The following SLC30A1 variants were observed in gnomAD, a reference collection of about 807,000 sequenced individuals.
SLC30A1 encodes proton-coupled zinc antiporter SLC30A1.
SLC30A1 carries 7 observed loss-of-function variants against 29.8 expected under a neutral mutation model. The observed-to-expected ratio is 0.23, with a 90% CI of 0.13 to 0.44. SLC30A1 has a LOEUF of 0.44. Among genes scored for constraint, SLC30A1 ranks in the 20% least tolerant of loss-of-function variants. SLC30A1 has a pLI of 1.00. For synonymous variants in SLC30A1, 254 were observed against 253.5 expected (o/e 1.00, Z -0.02); for missense variants, 446 against 647.9 (o/e 0.69, Z 3.38).
Position 211,573,296 on chromosome 1 carries a change from A to T in SLC30A1, c.*2092T>A, listed in dbSNP as rs1706673881. The T allele has an allele frequency of 6.6e-6, 1 of 152,074 alleles. No homozygotes were observed. The highest frequency in any genetic ancestry group is 1.5e-5 in the Non-Finnish European group (1 of 67,912). The allele number at this position is 152,074 out of a possible 1,614,324, so 9.4% of individuals were successfully genotyped here. ...GAAAAGTGAAATAACTCAAACCTAA[A>T]GGCTGTTATCTTCAAAGCACTTTTG... On this transcript the variant is annotated 3_prime_UTR_variant, in exon 2 of 2. Transcript: ENST00000367001.
At position 211,578,223 on chromosome 1, in the gene SLC30A1, C is replaced by A. The variant is rs1281628871; in HGVS notation, c.390G>T (p.Gly130=). The change falls in exon 1 of 2, where the codon GGG becomes GGT. Residue 130 remains glycine (G), a synonymous_variant. Coordinates refer to ENST00000367001, the MANE Select transcript of SLC30A1 (RefSeq NM_021194.3). ...CGCTGTGATGGTGGAAGAGGCAGAG[C>A]CCCAGCACGTTGACCAGCAGCCCGG... ...GVAGLLVNVL[G]LCLFHHHSGF... is the part of the protein sequence containing the mutation. 1 of 1,611,390 alleles carries A rather than the reference C, an allele frequency of 6.2e-7. No homozygotes were observed. Among genetic ancestry groups the A allele is most frequent in the Admixed American group, 1.7e-5 (1 of 59,738 alleles).
In SLC30A1 at chr1:211,575,310, G is replaced by A. The variant is rs1706705456; in HGVS notation, c.*78C>T. ...ACAAGGACTTCAATTACACTACTTG[G>A]CAAACTTAGAATTTCAGTGGAGTCT... is the stretch of plus-strand genomic sequence containing the variant. On this transcript the variant is annotated 3_prime_UTR_variant, in exon 2 of 2. Transcript: ENST00000367001. The surrounding 1 kb of genome is among the most constrained non-coding windows in gnomAD (Gnocchi z 6.0). 2 of 1,283,400 alleles carry A rather than the reference G, an allele frequency of 1.6e-6. No homozygotes were observed. Among genetic ancestry groups the A allele is most frequent in the Admixed American group, 2.3e-5 (1 of 43,374 alleles). The allele number at this position is 1,283,400 out of a possible 1,614,324, so 79.5% of individuals were successfully genotyped here.
Position 211,578,442 on chromosome 1 carries a change from G to C in SLC30A1, c.171C>G (p.Ala57=), listed in dbSNP as rs1706749713. 6.2e-7 allele frequency: 1 copy of C among 1,612,162 alleles called. No homozygotes were observed. Among genetic ancestry groups the C allele is most frequent in the Non-Finnish European group, 8.5e-7 (1 of 1,179,474 alleles). Residue 57 remains alanine, a synonymous_variant, in exon 1 of 2, where the codon GCC becomes GCG. Transcript: ENST00000367001. ...CGTGGGTCCGCCGGGCGAAGCGCTC[G>C]GCCACCAGCGCCACCACCAGCGCCA... ...DVLALVVALV[A]ERFARRTHAT...
In SLC30A1 at chr1:211,573,387, G is replaced by C. The variant is rs1706676438; in HGVS notation, c.*2001C>G. The C allele has an allele frequency of 6.6e-6, 1 of 151,976 alleles. No homozygotes were observed. The highest frequency in any genetic ancestry group is 2.4e-5 in the African/African-American group (1 of 41,404). 9.4% of individuals were successfully genotyped at this position (151,976 alleles called of 1,614,324 possible). ...CATTTTTTAAAATCCTCATTCAGTT[G>C]ATGTCTTGTACTTAGGTGTCATGCC... On this transcript the variant is annotated 3_prime_UTR_variant, in exon 2 of 2. Coordinates refer to ENST00000367001, the MANE Select transcript of SLC30A1 (RefSeq NM_021194.3).
rs924846149 is a variant in SLC30A1 at position 211,577,431 on chromosome 1, A to C, written c.622+560T>G. 6.6e-6 allele frequency among the ~76,000 whole-genome samples: 1 copy of C among 152,238 alleles called. No individual in the cohort carries two copies. Among genetic ancestry groups the C allele is most frequent in the Non-Finnish European group, 1.5e-5 (1 of 68,032 alleles). ...GGATTAGGGATCAATTAGCTGAAGC[A>C]TACACTGCTGTTCATAAAAGAAACC... On this transcript the variant is annotated intron_variant, in intron 1 of 1. Transcript: ENST00000367001. This position sits in a 1 kb window ranked among gnomAD's most constrained non-coding sequence, Gnocchi z 4.5.
At position 211,575,817 on chromosome 1, in the gene SLC30A1, T is replaced by G; in HGVS notation, c.1095A>C (p.Gly365=). The part of the protein sequence containing the change: ...NLIKELRNVE[G]VEEVHELHVW... Reference sequence around the variant, plus strand: ...CATGTAATTCATGAACTTCCTCAACTCCTTCAACATTTCGAAGTTCTTTTA... The same window carrying G: ...CATGTAATTCATGAACTTCCTCAACGCCTTCAACATTTCGAAGTTCTTTTA... Residue 365 remains glycine (G), a synonymous_variant, in exon 2 of 2, where the codon GGA becomes GGC. Transcript: ENST00000367001. The surrounding 1 kb of genome is among the most constrained non-coding windows in gnomAD (Gnocchi z 6.0). The G allele has an allele frequency of 6.2e-7, 1 of 1,614,108 alleles. No homozygotes were observed. The highest frequency in any genetic ancestry group is 8.5e-7 in the Non-Finnish European group (1 of 1,179,972).
At position 211,572,632 on chromosome 1, in the gene SLC30A1, T is replaced by C. The variant is rs1706667118; in HGVS notation, c.*2756A>G. ...ACCTTAGTTATTCAACATACTGTTC[T>C]CTAAAATGTTAAAACACATACAGCA... On this transcript the variant is annotated 3_prime_UTR_variant, in exon 2 of 2. Coordinates refer to ENST00000367001, the MANE Select transcript of SLC30A1 (RefSeq NM_021194.3). The C allele has an allele frequency of 6.6e-6, 1 of 152,144 alleles. No individual in the cohort carries two copies. The highest frequency in any genetic ancestry group is 1.5e-5 in the Non-Finnish European group (1 of 67,944). 9.4% of individuals were successfully genotyped at this position (152,144 alleles called of 1,614,324 possible).
At position 211,578,705 on chromosome 1, in the gene SLC30A1, G is replaced by A. The variant is rs1706753148; in HGVS notation, c.-93C>T. 4 of 1,306,818 alleles carry A rather than the reference G, an allele frequency of 3.1e-6. No individual in the cohort carries two copies. The highest frequency in any genetic ancestry group is 3.0e-6 in the Non-Finnish European group (3 of 1,007,382). 81.0% of individuals were successfully genotyped at this position (1,306,818 alleles called of 1,614,324 possible). ...GGAGGGTCGGCGACCGCGACACGGA[G>A]GAGCGCCCGAGTCGGGCCGTTCGGG... On this transcript the variant is annotated 5_prime_UTR_variant, in exon 1 of 2. Coordinates refer to ENST00000367001, the MANE Select transcript of SLC30A1 (RefSeq NM_021194.3).
In SLC30A1 at chr1:211,578,749, C is replaced by T; in HGVS notation, c.-137G>A. 1.3e-6 allele frequency: 1 copy of T among 796,266 alleles called. No individual in the cohort carries two copies. Among genetic ancestry groups the T allele is most frequent in the Non-Finnish European group, 1.8e-6 (1 of 569,352 alleles). The allele number at this position is 796,266 out of a possible 1,614,324, so 49.3% of individuals were successfully genotyped here. A position where few individuals can be genotyped will look rare whatever the true frequency, so the allele number is the denominator to read the frequency against. On this transcript the variant is annotated 5_prime_UTR_variant, in exon 1 of 2. Coordinates refer to ENST00000367001, the MANE Select transcript of SLC30A1 (RefSeq NM_021194.3). The stretch of plus-strand genomic sequence containing the variant: ...GTTCGGGAAACCGCTGAGGGGCCCC[C>T]GCGGCCGCACGGGGACAAGCCCGGG...
chr1:211,577,813 G>T lies in SLC30A1; in HGVS notation c.622+178C>A, dbSNP rs925203307. Among the ~76,000 whole-genome samples, 2 of 152,208 alleles carry T rather than the reference G, an allele frequency of 1.3e-5. No individual in the cohort carries two copies. Among genetic ancestry groups the T allele is most frequent in the African/African-American group, 2.4e-5 (1 of 41,450 alleles). On this transcript the variant is annotated intron_variant, in intron 1 of 1. Transcript: ENST00000367001. This position sits in a 1 kb window ranked among gnomAD's most constrained non-coding sequence, Gnocchi z 4.5. ...CGGCTCCTTGCACCCGACTGAGGGG[G>T]TTCTGATTTCCTGGAGCAGCAGCGG...
Position 211,576,004 on chromosome 1 carries a change from G to A in SLC30A1, c.908C>T (p.Ala303Val). 1 of 1,613,592 alleles carries A rather than the reference G, an allele frequency of 6.2e-7. No individual in the cohort carries two copies. The highest frequency in any genetic ancestry group is 8.5e-7 in the Non-Finnish European group (1 of 1,179,820). ...GCAAGGACCAGCCTCATAAACTGAT[G>A]CATGAGTACTATTAATTATTTCTAC... ...AFVEIINSTHASVYEAGPCWV... is the reference protein window; with the variant it reads ...AFVEIINSTHVSVYEAGPCWV... The change falls in exon 2 of 2, where the codon GCA becomes GTA. Residue 303 changes from alanine (A) to valine (V), a missense_variant. Around this residue, in one of 5 missense-constraint regions of SLC30A1, gnomAD observed 187 missense variants for 312.7 expected, o/e 0.60. Transcript: ENST00000367001.
At position 211,575,433 on chromosome 1, in the gene SLC30A1, T is replaced by C. The variant is rs758137599; in HGVS notation, c.1479A>G (p.Ile493Met). The change falls in exon 2 of 2, where the codon ATA (isoleucine) becomes ATG (methionine). Residue 493 changes from isoleucine to methionine, a missense_variant. By Grantham distance (10) the Ile-to-Met change is conservative. Around this residue, in one of 5 missense-constraint regions of SLC30A1, gnomAD observed 187 missense variants for 312.7 expected, o/e 0.60. Transcript: ENST00000367001. This position sits in a 1 kb window ranked among gnomAD's most constrained non-coding sequence, Gnocchi z 6.0. ...TKAENIPAVV[I>M]EIKNMPNKQP... is the part of the protein sequence containing the mutation. ...GTTTGTTTGGCATGTTTTTAATCTC[T>C]ATCACAACAGCAGGGATGTTTTCAG... is the stretch of plus-strand genomic sequence containing the variant. 6.2e-7 allele frequency: 1 copy of C among 1,610,886 alleles called. No individual in the cohort carries two copies. The highest frequency in any genetic ancestry group is 8.5e-7 in the Non-Finnish European group (1 of 1,179,132).
In SLC30A1 at chr1:211,572,225, A is replaced by T. The variant is rs575525470; in HGVS notation, c.*3163T>A. 14 of 152,226 alleles carry T rather than the reference A, an allele frequency of 9.2e-5. No homozygotes were observed. The highest frequency in any genetic ancestry group is 2.9e-4 in the African/African-American group (12 of 41,576). The allele number at this position is 152,226 out of a possible 1,614,324, so 9.4% of individuals were successfully genotyped here. A position where few individuals can be genotyped will look rare whatever the true frequency, so the allele number is the denominator to read the frequency against. ...CACTGTATGACACAGTTTCAATTTTAAAAATGACAAACAAAAAACCCCTAC... is the reference window on the plus strand; with the variant it reads ...CACTGTATGACACAGTTTCAATTTTTAAAATGACAAACAAAAAACCCCTAC... On this transcript the variant is annotated 3_prime_UTR_variant, in exon 2 of 2. Coordinates refer to ENST00000367001, the MANE Select transcript of SLC30A1 (RefSeq NM_021194.3).
At position 211,572,261 on chromosome 1, in the gene SLC30A1, G is replaced by A. The variant is rs1378918083; in HGVS notation, c.*3127C>T. The A allele has an allele frequency of 6.6e-6, 1 of 151,994 alleles. No individual in the cohort carries two copies. Among genetic ancestry groups the A allele is most frequent in the Non-Finnish European group, 1.5e-5 (1 of 67,936 alleles). The allele number at this position is 151,994 out of a possible 1,614,324, so 9.4% of individuals were successfully genotyped here. On this transcript the variant is annotated 3_prime_UTR_variant, in exon 2 of 2. Transcript: ENST00000367001. ...ACAAAAAACCCCTACACCTTCCCAA[G>A]AGTTTTAACACTGTTTATGACTTAA...
At chr1:211,576,421 G>T in intron 1 of SLC30A1, 132 bp from the exon 2 acceptor site, 1 of 597,136 alleles carries the variant, frequency 1.7e-6, no homozygotes, top group Admixed American at 3.4e-5. Context: ...TGTGCTCAGA[G>T]CAATTTAATA....
Position 211,576,162 on chromosome 1 carries a change from C to T in SLC30A1, c.750G>A (p.Leu250=). Residue 250 remains leucine (L), a synonymous_variant, in exon 2 of 2, where the codon CTG becomes CTA. Coordinates refer to ENST00000367001, the MANE Select transcript of SLC30A1 (RefSeq NM_021194.3). ...AGQLNMRGVF[L]HVLGDALGSV... ...AACCCAAGGCATCTCCAAGGACATG[C>T]AGAAAAACTCCACGCATGTTAAGTT... 2.5e-6 allele frequency: 4 copies of T among 1,614,060 alleles called. No individual in the cohort carries two copies. The highest frequency in any genetic ancestry group is 3.4e-6 in the Non-Finnish European group (4 of 1,180,000).
chr1:211,576,024 T>G lies in SLC30A1; in HGVS notation c.888A>C (p.Glu296Asp). The G allele has an allele frequency of 6.2e-7, 1 of 1,613,336 alleles. No individual in the cohort carries two copies. Among genetic ancestry groups the G allele is most frequent in the Non-Finnish European group, 8.5e-7 (1 of 1,179,808 alleles). ...CTGATGCATGAGTACTATTAATTAT[T>G]TCTACAAATGCTTTGCAGGGGTCAG... ...CFPDPCKAFVEIINSTHASVY... is the reference protein window; with the variant it reads ...CFPDPCKAFVDIINSTHASVY... Residue 296 changes from glutamate to aspartate, a missense_variant, in exon 2 of 2, where the codon GAA becomes GAC. Physicochemically the swap from Glu to Asp is conservative, Grantham distance 45. This residue lies in a region of SLC30A1 where 187 missense variants were observed against 312.7 expected (regional missense o/e 0.60). Coordinates refer to ENST00000367001, the MANE Select transcript of SLC30A1 (RefSeq NM_021194.3).
chr1:211,578,471 C>T lies in SLC30A1; in HGVS notation c.142G>A (p.Val48Met), dbSNP rs1363421449. 1 of 1,612,650 alleles carries T rather than the reference C, an allele frequency of 6.2e-7. No homozygotes were observed. The highest frequency in any genetic ancestry group is 1.3e-5 in the African/African-American group (1 of 74,894). Residue 48 changes from valine (V) to methionine (M), a missense_variant, in exon 1 of 2, where the codon GTG (valine) becomes ATG (methionine). Coordinates refer to ENST00000367001, the MANE Select transcript of SLC30A1 (RefSeq NM_021194.3). Reference protein sequence around the residue: ...LSDSFHMLSDVLALVVALVAE... With the variant: ...LSDSFHMLSDMLALVVALVAE... ...ACCAGCGCCACCACCAGCGCCAGCA[C>T]GTCCGACAGCATGTGGAAGGAGTCG...
chr1:211,578,443 GCCACCAGCGCCA>G lies in SLC30A1; in HGVS notation c.158_169del (p.Val53_Val56del). ...GTGGGTCCGCCGGGCGAAGCGCTCG[GCCACCAGCGCCA>G]CCACCAGCGCCAGCACGTCCGACAG... On this transcript the variant is annotated inframe_deletion, in exon 1 of 2. Coordinates refer to ENST00000367001, the MANE Select transcript of SLC30A1 (RefSeq NM_021194.3). 3.7e-6 allele frequency: 6 copies of G among 1,611,906 alleles called. No individual in the cohort carries two copies. The highest frequency in any genetic ancestry group is 1.1e-5 in the South Asian group (1 of 90,908).
Sources: gnomAD v4.1 joint callset for allele counts (sites outside exome capture counted in the v4.1 genomes callset) on GRCh38, gnomAD v4.1.1 for gene constraint, gnomAD v4.1.1 regional missense constraint, Gnocchi (gnomAD v3.1) non-coding constraint, MANE v1.5 for transcripts, NCBI Gene and HGNC (gene_info 2026-07-23, HGNC 2026-07-21) for gene names.